The following ISY1 variants were observed in gnomAD, a reference collection of about 807,000 sequenced individuals.
ISY1 encodes ISY1 spliceosome associated protein.
Under a neutral mutation model 54.4 loss-of-function variants are expected in ISY1, and 12 were observed. The observed-to-expected ratio is 0.22, with a 90% CI of 0.14 to 0.36. The LOEUF (loss-of-function observed/expected upper bound fraction) is 0.36, where lower values mean the gene tolerates loss of function less well. Ranked by LOEUF, ISY1 falls within the 10% of genes least tolerant of loss-of-function variation. The pLI is 1.00. For missense variants in ISY1, 282 were observed against 342.2 expected, an observed-to-expected ratio of 0.82 and a Z score of 1.39; for synonymous variants, 96 against 117.9, an observed-to-expected ratio of 0.81 and a Z score of 1.20.
At chr3:129,135,401 A>C (rs1170607426) in intron 7 of ISY1, among the ~76,000 whole-genome samples, 1 of 152,154 alleles carries the variant, frequency 6.6e-6, no homozygotes, top group Non-Finnish European at 1.5e-5. Flanking sequence ...GGAATTATTT[A>C]AGTGGTAGAG....
intron 6 of ISY1, chr3:129,144,298 T>C: frequency 4.0e-6 from 1 of 250,786 alleles, no homozygotes; most frequent in Non-Finnish European, 8.2e-6. Context: ...AAGAGAAGTC[T>C]CCTAGTGCAG....
rs1239661052 is a variant in ISY1 at position 129,130,137 on chromosome 3, C to T, written c.802G>A (p.Ala268Thr). The change falls in exon 11 of 11, where the codon GCA becomes ACA. Residue 268 changes from alanine (A) to threonine (T), a missense_variant. Ala to Thr is a moderately conservative substitution (Grantham distance 58, BLOSUM62 0). Coordinates refer to ENST00000393295, the MANE Select transcript of ISY1 (RefSeq NM_020701.4). ...CTTTGGGCCTGCAGGGTCTCGCTTG[C>T]ATACTTCTGGAGGAGTTCCATTTTC... ...RKKMELLQKY[A>T]SETLQAQSEE... 6.2e-7 allele frequency: 1 copy of T among 1,612,516 alleles called. No individual in the cohort carries two copies. Among genetic ancestry groups the T allele is most frequent in the Non-Finnish European group, 8.5e-7 (1 of 1,179,516 alleles).
intron 10 of ISY1, 54 bp from the exon 11 acceptor site, chr3:129,130,242 G>C (rs1936199069): frequency 6.6e-7 from 1 of 1,525,246 alleles, no homozygotes; most frequent in South Asian, 1.3e-5. Flanking sequence ...CTCAACCCCT[G>C]CCAGACCCAG....
At chr3:129,137,914 C>CAAAAAA (rs1175621872) in intron 7 of ISY1, among the ~76,000 whole-genome samples, 1 of 38,140 alleles carries the variant, frequency 2.6e-5, no homozygotes, top group Non-Finnish European at 5.5e-5. Flanking sequence ...GACTCCATGT[C>CAAAAAA]AAAAAAAAAA....
At chr3:129,138,770 G>A (rs1936511880) in intron 7 of ISY1, among the ~76,000 whole-genome samples, 2 of 149,260 alleles carry the variant, frequency 1.3e-5, no homozygotes, top group African/African-American at 4.9e-5. Context: ...AGCCGAGATT[G>A]CACAACTACA....
intron 2 of ISY1, among the ~76,000 whole-genome samples, chr3:129,158,916 A>G (rs936257727): frequency 6.6e-6 from 1 of 152,150 alleles, no homozygotes; most frequent in African/African-American, 2.4e-5. Context: ...TGCACCAACC[A>G]CAGGTGAACA....
At chr3:129,142,647 T>C (rs577162280) in intron 6 of ISY1, among the ~76,000 whole-genome samples, 1 of 152,320 alleles carries the variant, frequency 6.6e-6, no homozygotes, top group Non-Finnish European at 1.5e-5. Flanking sequence ...CAGCGGCTCA[T>C]GCCTGTAATC....
chr3:129,150,971 A>G (rs1422938008), intron 5 of ISY1, among the ~76,000 whole-genome samples: 2 of 150,554 alleles, frequency 1.3e-5, no homozygotes, highest in Non-Finnish European at 3.0e-5. Context: ...CTAAAAATAC[A>G]AAAATCAGCC....
chr3:129,149,675 G>A (rs1342695080), intron 5 of ISY1, among the ~76,000 whole-genome samples: 4 of 126,492 alleles, frequency 3.2e-5, no homozygotes, highest in African/African-American at 1.2e-4. Flanking sequence ...GCACACACTT[G>A]TAGTCCCAGC....
At chr3:129,148,400 CTA>C (rs1936838292) in intron 5 of ISY1, among the ~76,000 whole-genome samples, 1 of 152,194 alleles carries the variant, frequency 6.6e-6, no homozygotes. Context: ...TGCCTCCTCA[CTA>C]GCAGTGCATG....
chr3:129,132,552 C>T (rs980138981), intron 9 of ISY1, among the ~76,000 whole-genome samples: 2 of 152,132 alleles, frequency 1.3e-5, no homozygotes. Context: ...TGGTTAAGTT[C>T]GCTGGATCAT....
chr3:129,132,110 G>A (rs1165889551), intron 9 of ISY1, among the ~76,000 whole-genome samples: 1 of 152,098 alleles, frequency 6.6e-6, no homozygotes, highest in Non-Finnish European at 1.5e-5. Flanking sequence ...GATTACAGGT[G>A]TGACCACCAC....
chr3:129,160,661 G>A (rs1460090813), intron 1 of ISY1, among the ~76,000 whole-genome samples: 1 of 152,006 alleles, frequency 6.6e-6, no homozygotes, highest in African/African-American at 2.4e-5. Context: ...CAAACAGCCG[G>A]CCCACACTAT....
intron 5 of ISY1, among the ~76,000 whole-genome samples, chr3:129,148,117 C>T (rs370017404): frequency 3.3e-5 from 5 of 152,102 alleles, no homozygotes; most frequent in African/African-American, 9.7e-5. Context: ...GCATAAGCCA[C>T]GGTGCCTAGC....
intron 9 of ISY1, among the ~76,000 whole-genome samples, chr3:129,131,357 A>G (rs143309015): frequency 3.3e-5 from 5 of 152,206 alleles, no homozygotes; most frequent in African/African-American, 1.2e-4. Flanking sequence ...ATCTGCCAAA[A>G]CCCCAATCTG....
chr3:129,154,814 A>G (rs1937087868), intron 5 of ISY1, among the ~76,000 whole-genome samples: 1 of 149,978 alleles, frequency 6.7e-6, no homozygotes, highest in South Asian at 2.1e-4. Flanking sequence ...TCAGCCTCCC[A>G]AGTAGCTGGG....
In ISY1 at chr3:129,129,336, A is replaced by C. The variant is rs1936175480; in HGVS notation, c.*745T>G. 1 of 151,326 alleles carries C rather than the reference A, an allele frequency of 6.6e-6. No individual in the cohort carries two copies. The allele number at this position is 151,326 out of a possible 1,614,324, so 9.4% of individuals were successfully genotyped here. ...GAGAGCCCAGAGCAGCAACCAACAC[A>C]GAGGGACCTGGTCATTGACTTGTGG... On this transcript the variant is annotated 3_prime_UTR_variant, in exon 11 of 11. Coordinates refer to ENST00000393295, the MANE Select transcript of ISY1 (RefSeq NM_020701.4).
chr3:129,149,973 C>CAA (rs200338338), intron 5 of ISY1, among the ~76,000 whole-genome samples: 314 of 90,752 alleles, frequency 3.5e-3, no homozygotes, highest in African/African-American at 9.7e-3. Flanking sequence ...GGCTCTATCT[C>CAA]AAAAAAAAAA....
In ISY1 at chr3:129,130,653, C is replaced by T. The variant is rs976181841; in HGVS notation, c.664-17G>A. On this transcript the variant is annotated splice_polypyrimidine_tract_variant and intron_variant, in intron 9 of 10. Coordinates refer to ENST00000393295, the MANE Select transcript of ISY1 (RefSeq NM_020701.4). ...CTCGTCCGACTACAAACAGAACAAA[C>T]GAAAGTCCATCAGTAGGCGCCCAGC... is the stretch of plus-strand genomic sequence containing the variant. 8.1e-6 allele frequency: 13 copies of T among 1,613,546 alleles called. No individual in the cohort carries two copies. The highest frequency in any genetic ancestry group is 1.1e-5 in the South Asian group (1 of 91,052).
Sources: allele counts gnomAD v4.1 joint callset (sites outside exome capture counted in the v4.1 genomes callset), GRCh38; gene constraint gnomAD v4.1.1; transcripts MANE v1.5; gene names NCBI Gene and HGNC (gene_info 2026-07-23, HGNC 2026-07-21).